The following MAP4K5 variants were observed in gnomAD, a reference collection of about 807,000 sequenced individuals.
The protein encoded by MAP4K5 is MAPK/ERK kinase kinase kinase 5.
In MAP4K5, 82 loss-of-function variants were observed where a neutral mutation model predicts 135.6. That is an observed-to-expected ratio of 0.60 (90% CI 0.51 to 0.73). The LOEUF (loss-of-function observed/expected upper bound fraction) is 0.73, where lower values mean the gene tolerates loss of function less well. Among genes scored for constraint, MAP4K5 ranks in the 30% least tolerant of loss-of-function variants. The pLI, the probability that MAP4K5 is intolerant of heterozygous loss-of-function variation, is 0.00. For synonymous variants in MAP4K5, 347 were observed against 335.0 expected, an observed-to-expected ratio of 1.04 and a Z score of -0.39; for missense variants, 907 against 1,010.9, an observed-to-expected ratio of 0.90 and a Z score of 1.39.
At chr14:50,478,494 G>C (rs2037158277) in intron 6 of MAP4K5, among the ~76,000 whole-genome samples, 1 of 151,992 alleles carries the variant, frequency 6.6e-6, no homozygotes, top group African/African-American at 2.4e-5. Flanking sequence ...GGTGGAAGCT[G>C]AGGATACTGA....
intron 9 of MAP4K5, 145 bp from the exon 10 acceptor site, chr14:50,468,927 T>A (rs1316117940): frequency 1.4e-5 from 9 of 655,928 alleles, no homozygotes; most frequent in Middle Eastern, 3.6e-4. Flanking sequence ...AAGTAAAGGC[T>A]TAAATCTCTA....
chr14:50,557,438 A>G (rs1478446758), intron 1 of MAP4K5, among the ~76,000 whole-genome samples: 1 of 152,148 alleles, frequency 6.6e-6, no homozygotes, highest in Non-Finnish European at 1.5e-5. Context: ...TTTTCCAGGA[A>G]TGGTATACTA....
At chr14:50,547,301 G>A (rs1271284315) in intron 1 of MAP4K5, among the ~76,000 whole-genome samples, 1 of 152,078 alleles carries the variant, frequency 6.6e-6, no homozygotes, top group African/African-American at 2.4e-5. Flanking sequence ...TAGGTACTCA[G>A]TGAATGTCTG....
rs760135334 is a variant in MAP4K5, at chr14:50,440,370, T to C, written c.1636A>G (p.Met546Val). ...TTAAAATGCCTAATTACCTGTTCCA[T>C]CGTTGCCTCATGTAGCTCATTGAGA... ...LNLNELHEAT[M>V]EQLFPRKCTW... Residue 546 changes from methionine to valine, a missense_variant, in exon 22 of 33, where the codon ATG (methionine) becomes GTG (valine). Coordinates refer to ENST00000682126, the MANE Select transcript of MAP4K5 (RefSeq NM_006575.6). The C allele has an allele frequency of 6.3e-7, 1 of 1,592,568 alleles. No homozygotes were observed. The highest frequency in any genetic ancestry group is 8.6e-7 in the Non-Finnish European group (1 of 1,163,710).
intron 5 of MAP4K5, chr14:50,482,998 G>A (rs867897859): frequency 6.6e-6 from 1 of 152,630 alleles, no homozygotes; most frequent in Middle Eastern, 3.4e-3. Flanking sequence ...GCACTCATGT[G>A]CAAAGCATAG....
At chr14:50,435,348 C>T (rs565661720) in intron 26 of MAP4K5, among the ~76,000 whole-genome samples, 2 of 151,946 alleles carry the variant, frequency 1.3e-5, no homozygotes, top group Non-Finnish European at 2.9e-5. Context: ...TTTTCCCTTC[C>T]TCACTCCCTC....
intron 21 of MAP4K5, among the ~76,000 whole-genome samples, chr14:50,441,606 G>A (rs562294956): frequency 1.0e-3 from 152 of 152,032 alleles, no homozygotes; most frequent in Admixed American, 3.3e-3. Context: ...CACACCTGTG[G>A]TCACAGCTAT....
Position 50,423,104 on chromosome 14 carries a change from T to C in MAP4K5, c.2453+17A>G. The C allele has an allele frequency of 7.3e-7, 1 of 1,370,716 alleles. No individual in the cohort carries two copies. The allele number at this position is 1,370,716 out of a possible 1,614,324, so 84.9% of individuals were successfully genotyped here. ...TGAACTCCTTTGGTAATTAAATTAA[T>C]ACAACCAAACTATTACCTGTCTGAT... On this transcript the variant is annotated intron_variant, in intron 32 of 32. Coordinates refer to ENST00000682126, the MANE Select transcript of MAP4K5 (RefSeq NM_006575.6).
At chr14:50,559,904 G>C (rs971822349) in intron 1 of MAP4K5, 10 of 332,550 alleles carry the variant, frequency 3.0e-5, no homozygotes, top group Non-Finnish European at 5.8e-5. Context: ...TTCTGATAAC[G>C]CTGTTAAATT....
intron 8 of MAP4K5, 63 bp downstream of exon 8, chr14:50,476,065 A>T: frequency 1.1e-6 from 1 of 880,228 alleles, no homozygotes; most frequent in Non-Finnish European, 1.7e-6. Context: ...AAAATTTTAT[A>T]AAAATTTTAT....
chr14:50,448,982 C>T, intron 14 of MAP4K5, 150 bp from the exon 15 acceptor site: 2 of 611,556 alleles, frequency 3.3e-6, no homozygotes, highest in South Asian at 4.0e-5. Flanking sequence ...TACAAGAGTA[C>T]CCCTTTGTTA....
chr14:50,492,044 A>AT (rs2037495550), intron 3 of MAP4K5, among the ~76,000 whole-genome samples: 1 of 151,970 alleles, frequency 6.6e-6, no homozygotes, highest in South Asian at 2.1e-4. Context: ...ATTAGTGAGT[A>AT]TTTTCCATTT....
intron 18 of MAP4K5, among the ~76,000 whole-genome samples, chr14:50,444,543 G>T (rs1044198499): frequency 1.3e-5 from 2 of 151,912 alleles, no homozygotes; most frequent in Admixed American, 1.3e-4. Flanking sequence ...GAGCCCAGGG[G>T]TCTGAGATTA....
intron 14 of MAP4K5, among the ~76,000 whole-genome samples, chr14:50,455,015 G>A (rs191458590): frequency 7.4e-4 from 112 of 151,808 alleles, no homozygotes; most frequent in Non-Finnish European, 1.2e-3. Flanking sequence ...CAACAGAATA[G>A]AATTTCCAGA....
chr14:50,500,507 T>G (rs2037685833), intron 3 of MAP4K5, among the ~76,000 whole-genome samples: 1 of 151,988 alleles, frequency 6.6e-6, no homozygotes, highest in South Asian at 2.1e-4. Flanking sequence ...CTCAGAGAGG[T>G]GGATAGAACA....
chr14:50,458,155 G>A (rs74675679), intron 13 of MAP4K5, among the ~76,000 whole-genome samples: 4 of 151,952 alleles, frequency 2.6e-5, no homozygotes, highest in Non-Finnish European at 4.4e-5. Flanking sequence ...TCCTTCATCC[G>A]TACAGATGAC....
chr14:50,437,420 A>T (rs1209283135), intron 26 of MAP4K5, 56 bp downstream of exon 26: 5 of 1,323,096 alleles, frequency 3.8e-6, no homozygotes, highest in Non-Finnish European at 5.3e-6. Flanking sequence ...TCTTCAGATA[A>T]TTATAAAGAT....
At chr14:50,544,094 A>G (rs1371218146) in intron 1 of MAP4K5, among the ~76,000 whole-genome samples, 2 of 152,216 alleles carry the variant, frequency 1.3e-5, no homozygotes, top group African/African-American at 4.8e-5. Context: ...AATCCCAGGT[A>G]TTCACTAGGG....
In MAP4K5 at chr14:50,419,976, G is replaced by T; in HGVS notation, c.*43C>A. On this transcript the variant is annotated 3_prime_UTR_variant, in exon 33 of 33. Coordinates refer to ENST00000682126, the MANE Select transcript of MAP4K5 (RefSeq NM_006575.6). ...AATTTCCTTATTTTTCCTTTCAATG[G>T]AGTATATTCATTTTCCTGTCATTTG... is the stretch of plus-strand genomic sequence containing the variant. The T allele has an allele frequency of 7.6e-7, 1 of 1,321,694 alleles. No individual in the cohort carries two copies. The highest frequency in any genetic ancestry group is 1.2e-5 in the South Asian group (1 of 80,412). The allele number at this position is 1,321,694 out of a possible 1,614,324, so 81.9% of individuals were successfully genotyped here.
Sources: gnomAD v4.1 joint callset for allele counts (sites outside exome capture counted in the v4.1 genomes callset) on GRCh38, gnomAD v4.1.1 for gene constraint, MANE v1.5 for transcripts, NCBI Gene and HGNC (gene_info 2026-07-23, HGNC 2026-07-21) for gene names.